The following FOCAD variants were observed in gnomAD, a reference collection of about 807,000 sequenced individuals.
FOCAD encodes focadhesin, also known as KIAA1797.
A neutral mutation model predicts 225.6 loss-of-function variants in FOCAD; 198 were observed. The ratio of observed to expected loss-of-function variants is 0.88; its 90% confidence interval spans 0.78 to 0.99. The LOEUF (loss-of-function observed/expected upper bound fraction) is 0.99. Among genes scored for constraint, FOCAD ranks in the 50% least tolerant of loss-of-function variants. The pLI is 0.00. For missense variants in FOCAD, 2,713 were observed against 2,123.6 expected (o/e 1.28, Z -5.46); for synonymous variants, 897 against 755.0 (o/e 1.19, Z -3.08).
intron 20 of FOCAD, among the ~76,000 whole-genome samples, chr9:20,883,085 T>C (rs1830812682): frequency 6.6e-6 from 1 of 152,154 alleles, no homozygotes; most frequent in African/African-American, 2.4e-5. Flanking sequence ...ACTCTTTGAT[T>C]GACAATAACA....
chr9:20,745,113 CA>C (rs1300825725), intron 5 of FOCAD, among the ~76,000 whole-genome samples: 9 of 139,316 alleles, frequency 6.5e-5, no homozygotes, highest in African/African-American at 2.3e-4. Flanking sequence ...GTTATTTAAA[CA>C]TTTTTTTTTT....
intron 4 of FOCAD, among the ~76,000 whole-genome samples, chr9:20,739,784 C>T (rs1403719825): frequency 2.0e-5 from 3 of 152,068 alleles, no homozygotes; most frequent in Non-Finnish European, 4.4e-5. Flanking sequence ...TATTCCCTTT[C>T]TATTAGCTCT....
At chr9:20,791,237 T>TCACACACACA (rs10652100) in intron 11 of FOCAD, among the ~76,000 whole-genome samples, 163 of 148,588 alleles carry the variant, frequency 1.1e-3, no homozygotes, top group South Asian at 1.9e-3. Flanking sequence ...ACACACACAC[T>TCACACACACA]CACACACACA....
chr9:20,976,333 C>G, intron 35 of FOCAD, 87 bp from the exon 36 acceptor site: 2 of 1,283,790 alleles, frequency 1.6e-6, no homozygotes, highest in Non-Finnish European at 2.2e-6. Flanking sequence ...TCCTTTGATG[C>G]TAGAAGGAAA....
intron 15 of FOCAD, among the ~76,000 whole-genome samples, chr9:20,852,828 C>T (rs1362537609): frequency 6.6e-6 from 1 of 151,614 alleles, no homozygotes; most frequent in African/African-American, 2.4e-5. Flanking sequence ...ATTCTTTTTG[C>T]TAGTAAATAC....
intron 35 of FOCAD, among the ~76,000 whole-genome samples, chr9:20,966,026 A>C (rs1346029093): frequency 6.6e-6 from 1 of 151,894 alleles, no homozygotes. Flanking sequence ...ACCTTTTTTC[A>C]ATTCTCTTGG....
chr9:20,724,049 C>A (rs571681252), intron 4 of FOCAD, among the ~76,000 whole-genome samples: 1 of 152,196 alleles, frequency 6.6e-6, no homozygotes, highest in Non-Finnish European at 1.5e-5. Flanking sequence ...CAAGAACTCA[C>A]TTGTCACCAA....
chr9:20,844,612 C>T (rs765635556), intron 15 of FOCAD, among the ~76,000 whole-genome samples: 9 of 151,870 alleles, frequency 5.9e-5, no homozygotes, highest in African/African-American at 1.5e-4. Context: ...CTGCCTGCCT[C>T]GGCCTCCCAA....
chr9:20,968,763 A>G (rs1389495734), intron 35 of FOCAD, among the ~76,000 whole-genome samples: 1 of 151,914 alleles, frequency 6.6e-6, no homozygotes, highest in Admixed American at 6.6e-5. Flanking sequence ...ATACTTAATT[A>G]TCTCCACTCT....
chr9:20,869,318 A>T (rs758694087), intron 18 of FOCAD, among the ~76,000 whole-genome samples: 2 of 152,140 alleles, frequency 1.3e-5, no homozygotes, highest in Non-Finnish European at 2.9e-5. Flanking sequence ...TTTTGAGCCC[A>T]TTGTGAATTT....
chr9:20,797,398 T>G (rs1821238180), intron 11 of FOCAD, among the ~76,000 whole-genome samples: 1 of 152,230 alleles, frequency 6.6e-6, no homozygotes, highest in African/African-American at 2.4e-5. Flanking sequence ...ATCTATAAAT[T>G]ACCTTGGGCA....
At chr9:20,793,626 A>G (rs1380572936) in intron 11 of FOCAD, among the ~76,000 whole-genome samples, 1 of 152,188 alleles carries the variant, frequency 6.6e-6, no homozygotes. Flanking sequence ...AGCAAGCATC[A>G]GAAAGGATGG....
chr9:20,986,975 C>T (rs542084621), intron 40 of FOCAD, among the ~76,000 whole-genome samples: 1 of 152,266 alleles, frequency 6.6e-6, no homozygotes, highest in South Asian at 2.1e-4. Flanking sequence ...AATTTTTAGA[C>T]CGTTTTAGAC....
chr9:20,905,933 A>AC (rs1554721291), intron 21 of FOCAD, among the ~76,000 whole-genome samples: 1 of 148,076 alleles, frequency 6.8e-6, no homozygotes, highest in Non-Finnish European at 1.5e-5. Context: ...ACTGTTTGAG[A>AC]TTTTTTTTTT....
intron 22 of FOCAD, among the ~76,000 whole-genome samples, chr9:20,909,416 A>G (rs1305813772): frequency 6.6e-6 from 1 of 152,106 alleles, no homozygotes; most frequent in African/African-American, 2.4e-5. Context: ...TATTTTCCCT[A>G]ACACGGTTAT....
chr9:20,671,315 G>A (rs1386161390), intron 2 of FOCAD, among the ~76,000 whole-genome samples: 1 of 152,082 alleles, frequency 6.6e-6, no homozygotes, highest in East Asian at 1.9e-4. Flanking sequence ...AAGCTCTTGA[G>A]ACTGGAATAT....
intron 1 of FOCAD, among the ~76,000 whole-genome samples, chr9:20,690,072 A>T (rs1034114986): frequency 2.0e-5 from 3 of 152,168 alleles, no homozygotes; most frequent in Non-Finnish European, 4.4e-5. Flanking sequence ...TTTTAGGTCA[A>T]TTCTGGGCCC....
At chr9:20,760,574 C>T (rs1441610161) in intron 6 of FOCAD, among the ~76,000 whole-genome samples, 1 of 152,216 alleles carries the variant, frequency 6.6e-6, no homozygotes, top group African/African-American at 2.4e-5. Context: ...TCTTACCCCA[C>T]TCTCTTTCTG....
intron 4 of FOCAD, among the ~76,000 whole-genome samples, chr9:20,731,959 T>A (rs892568453): frequency 6.6e-6 from 1 of 152,180 alleles, no homozygotes; most frequent in African/African-American, 2.4e-5. Context: ...TTATTTTATT[T>A]TTTTAAAGTT....
Sources: allele counts gnomAD v4.1 joint callset (sites outside exome capture counted in the v4.1 genomes callset), GRCh38; gene constraint gnomAD v4.1.1; transcripts MANE v1.5; gene names NCBI Gene and HGNC (gene_info 2026-07-23, HGNC 2026-07-21).